Variants in APC observed in about 807,000 individuals in gnomAD.
The protein encoded by APC is APC regulator of Wnt signaling pathway.
Under a neutral mutation model 247.0 loss-of-function variants are expected in APC, and 72 were observed. The ratio of observed to expected loss-of-function variants is 0.29; its 90% confidence interval spans 0.24 to 0.35. The LOEUF is 0.35. APC is among the 10% of genes least tolerant of loss of function. APC has a pLI of 1.00. For missense variants in APC, 3,400 were observed against 3,360.7 expected (o/e 1.01, Z -0.29); for synonymous variants, 1,254 against 1,162.5 (o/e 1.08, Z -1.60).
At chr5:112,824,504 A>T (rs1763449581) in intron 11 of APC, among the ~76,000 whole-genome samples, 1 of 152,064 alleles carries the variant, frequency 6.6e-6, no homozygotes, top group South Asian at 2.1e-4. Flanking sequence ...TATCTGCCAC[A>T]TTCTTATTTA....
intron 8 of APC, among the ~76,000 whole-genome samples, chr5:112,802,602 C>T (rs886820665): frequency 6.6e-6 from 1 of 151,976 alleles, no homozygotes. Context: ...ATTACACTTA[C>T]TACATCAAAA....
chr5:112,811,509 G>C lies in APC; in HGVS notation c.835-3986G>C, dbSNP rs180960655. ...AGTTCTAGGCTCATAGAGAATACGA[G>C]TATGTGTACCTCTTGGTATCTCCTA... On this transcript the variant is annotated intron_variant, in intron 8 of 15. Transcript: ENST00000257430. Among the ~76,000 whole-genome samples the C allele has an allele frequency of 1.7e-3, 253 of 152,318 alleles. 3 individuals are homozygous for C. The Middle Eastern group carries it at 0.017, about 10-fold the overall frequency.
intron 10 of APC, among the ~76,000 whole-genome samples, chr5:112,820,620 C>T (rs561792918): frequency 2.6e-5 from 4 of 152,238 alleles, no homozygotes; most frequent in East Asian, 3.9e-4. Context: ...TCCACAGTTA[C>T]GTAATGACCC....
Position 112,834,931 on chromosome 5 carries a change from C to T in APC, c.1744-20C>T, listed in dbSNP as rs1554083085. The T allele has an allele frequency of 5.6e-6, 9 of 1,601,384 alleles. No homozygotes were observed. Among genetic ancestry groups the T allele is most frequent in the African/African-American group, 1.3e-5 (1 of 74,720 alleles). ...AAATTCCAACTCTAATTAGATGACCCATATTCTGTTTCTTACTAGGAATCA... is the reference window on the plus strand; with the variant it reads ...AAATTCCAACTCTAATTAGATGACCTATATTCTGTTTCTTACTAGGAATCA... On this transcript the variant is annotated intron_variant, in intron 14 of 15. Coordinates refer to ENST00000257430, the MANE Select transcript of APC (RefSeq NM_000038.6).
intron 8 of APC, among the ~76,000 whole-genome samples, chr5:112,804,859 G>A (rs1446650752): frequency 6.6e-6 from 1 of 152,102 alleles, no homozygotes; most frequent in Non-Finnish European, 1.5e-5. Flanking sequence ...GCCGTGTGTG[G>A]TAGTCCCAGC....
Position 112,838,601 on chromosome 5 carries a change from G to T in APC, c.3007G>T (p.Asp1003Tyr), listed in dbSNP as rs564314108. The T allele has an allele frequency of 6.2e-7, 1 of 1,614,042 alleles. No individual in the cohort carries two copies. Among genetic ancestry groups the T allele is most frequent in the South Asian group, 1.1e-5 (1 of 91,070 alleles). The change falls in exon 16 of 16, where the codon GAC becomes TAC. Residue 1003 changes from aspartate to tyrosine, a missense_variant. This residue lies in a region of APC where 715 missense variants were observed against 656.6 expected (regional missense o/e 1.09). Coordinates refer to ENST00000257430, the MANE Select transcript of APC (RefSeq NM_000038.6). ...KFCSYGQYPADLAHKIHSANH... is the reference protein window; with the variant it reads ...KFCSYGQYPAYLAHKIHSANH... ...TTGCAGTTATGGTCAATACCCAGCC[G>T]ACCTAGCCCATAAAATACATAGTGC...
At chr5:112,780,453 T>C (rs982882071) in intron 5 of APC, among the ~76,000 whole-genome samples, 1 of 152,206 alleles carries the variant, frequency 6.6e-6, no homozygotes, top group Non-Finnish European at 1.5e-5. Flanking sequence ...TTAAAAGTAG[T>C]GCCTCTTCAG....
At chr5:112,820,713 AC>A (rs1319277803) in intron 10 of APC, among the ~76,000 whole-genome samples, 51 of 152,238 alleles carry the variant, frequency 3.4e-4, no homozygotes, top group Admixed American at 3.3e-3. Context: ...TTAAAAACTT[AC>A]GTCAAATGAG....
intron 1 of APC, among the ~76,000 whole-genome samples, chr5:112,726,006 G>A (rs1048500082): frequency 1.3e-5 from 2 of 152,106 alleles, no homozygotes; most frequent in African/African-American, 4.8e-5. Context: ...CAGGGGAGTG[G>A]CTCATCTGTT....
chr5:112,835,196 G>A lies in APC; in HGVS notation c.1958+31G>A. On this transcript the variant is annotated intron_variant, in intron 15 of 15. Transcript: ENST00000257430. ...TATAGAGTTTTATATTACTTTTAAA[G>A]TACAGAATTCATACTCTCAAAAAGA... 6.4e-7 allele frequency: 1 copy of A among 1,563,982 alleles called. No individual in the cohort carries two copies. The highest frequency in any genetic ancestry group is 1.4e-5 in the African/African-American group (1 of 73,270).
At chr5:112,835,204 T>C in intron 15 of APC, 39 bp downstream of exon 15, 1 of 1,538,152 alleles carries the variant, frequency 6.5e-7, no homozygotes, top group Non-Finnish European at 8.9e-7. Flanking sequence ...AAGTACAGAA[T>C]TCATACTCTC....
chr5:112,721,377 A>G (rs1402761691), intron 1 of APC, among the ~76,000 whole-genome samples: 1 of 152,206 alleles, frequency 6.6e-6, no homozygotes, highest in Non-Finnish European at 1.5e-5. Flanking sequence ...TTGCGCCACT[A>G]CACTCTAGCC....
intron 2 of APC, among the ~76,000 whole-genome samples, chr5:112,757,452 G>A (rs989479135): frequency 3.3e-5 from 5 of 152,074 alleles, no homozygotes; most frequent in Admixed American, 6.6e-5. Flanking sequence ...GGCAAAAGGA[G>A]GCTGGGCACC....
At position 112,844,157 on chromosome 5, in the gene APC, TATGTTA is replaced by T. The variant is rs1766775894; in HGVS notation, c.*34_*39del. 2.5e-6 allele frequency: 4 copies of T among 1,572,888 alleles called. No homozygotes were observed. The highest frequency in any genetic ancestry group is 1.4e-5 in the African/African-American group (1 of 73,954). ...AGGAAGAATGAAACTAAGAAAATTC[TATGTTA>T]ATTACAACTGCTATATAGACATTTT... On this transcript the variant is annotated 3_prime_UTR_variant, in exon 16 of 16. Coordinates refer to ENST00000257430, the MANE Select transcript of APC (RefSeq NM_000038.6).
chr5:112,810,284 C>G (rs1320295201), intron 8 of APC: 1 of 347,762 alleles, frequency 2.9e-6, no homozygotes, highest in Non-Finnish European at 5.6e-6. Flanking sequence ...GATGTCACAG[C>G]AAAAGGTGGC....
chr5:112,812,210 C>T (rs186060662), intron 8 of APC, among the ~76,000 whole-genome samples: 5 of 152,288 alleles, frequency 3.3e-5, no homozygotes, highest in Middle Eastern at 6.8e-3. Flanking sequence ...ATTACAAAAA[C>T]GCGTGAATAC....
chr5:112,790,834 G>T (rs1339748872), intron 6 of APC, among the ~76,000 whole-genome samples: 2 of 152,110 alleles, frequency 1.3e-5, no homozygotes, highest in Non-Finnish European at 2.9e-5. Context: ...GGTGATATTT[G>T]TTCCGAAATA....
chr5:112,785,753 T>G (rs1758867646), intron 6 of APC, among the ~76,000 whole-genome samples: 1 of 152,156 alleles, frequency 6.6e-6, no homozygotes, highest in African/African-American at 2.4e-5. Flanking sequence ...ACTCAATAAA[T>G]TATATAGGTA....
rs2149764279 is a variant in APC, at chr5:112,815,606, T to A, written c.933+13T>A. On this transcript the variant is annotated intron_variant, in intron 9 of 15. Transcript: ENST00000257430. Reference sequence around the variant, plus strand: ...TCTGGGAACCAAGGTAACAGAAGATTACAAACCCTGGTCACTAATGCCATG... The same window carrying A: ...TCTGGGAACCAAGGTAACAGAAGATAACAAACCCTGGTCACTAATGCCATG... 1 of 1,600,180 alleles carries A rather than the reference T, an allele frequency of 6.2e-7. No individual in the cohort carries two copies. Among genetic ancestry groups the A allele is most frequent in the Non-Finnish European group, 8.6e-7 (1 of 1,168,942 alleles).
Sources: allele counts gnomAD v4.1 joint callset (sites outside exome capture counted in the v4.1 genomes callset), GRCh38; gene constraint gnomAD v4.1.1; regional missense constraint gnomAD v4.1.1; transcripts MANE v1.5; gene names NCBI Gene and HGNC (gene_info 2026-07-23, HGNC 2026-07-21).